SGCD: variants seen among roughly 807,000 people sequenced by gnomAD.
SGCD encodes the protein sarcoglycan delta, also known as delta-sarcoglycan.
SGCD carries 18 observed loss-of-function variants against 36.6 expected under a neutral mutation model. The observed-to-expected ratio is 0.49, with a 90% CI of 0.34 to 0.73. The LOEUF (loss-of-function observed/expected upper bound fraction) is 0.73. Ranked by LOEUF, SGCD falls within the 30% of genes least tolerant of loss-of-function variation. SGCD has a pLI of 0.01. For missense variants in SGCD, 387 were observed against 346.7 expected (o/e 1.12, Z -0.92); for synonymous variants, 133 against 130.6 (o/e 1.02, Z -0.12).
intron 1 of SGCD, among the ~76,000 whole-genome samples, chr5:155,948,672 A>G (rs1025720624): frequency 2.6e-5 from 4 of 152,190 alleles, no homozygotes; most frequent in African/African-American, 4.8e-5. Context: ...ATGATCTTAA[A>G]TGGGGTTAGA....
At chr5:155,876,820 A>G (rs1487640333) in intron 1 of SGCD, among the ~76,000 whole-genome samples, 2 of 152,126 alleles carry the variant, frequency 1.3e-5, no homozygotes, top group African/African-American at 4.8e-5. Context: ...TTCTGCCTTT[A>G]TTTTATGACC....
In SGCD at chr5:156,211,988, G is replaced by A. The variant is rs60029416; in HGVS notation, c.-44+87969G>A. Among the ~76,000 whole-genome samples the A allele has an allele frequency of 7.5e-3, 1,146 of 152,114 alleles. 15 individuals are homozygous for A. The highest frequency in any genetic ancestry group is 0.025 in the African/African-American group (1,048 of 41,496). On this transcript the variant is annotated intron_variant, in intron 3 of 9. Transcript: ENST00000517913. ...GTTTTATGTAAGCATCATTGGAACC[G>A]CAAAGCAAAAACGACAAGAGGTACA...
At chr5:156,561,678 C>T (rs958728745) in intron 4 of SGCD, among the ~76,000 whole-genome samples, 2 of 152,160 alleles carry the variant, frequency 1.3e-5, no homozygotes, top group South Asian at 4.1e-4. Context: ...GTGGGTTACT[C>T]AGGTCACTCC....
intron 3 of SGCD, among the ~76,000 whole-genome samples, chr5:156,389,533 G>A (rs1050534066): frequency 6.6e-6 from 1 of 152,182 alleles, no homozygotes; most frequent in African/African-American, 2.4e-5. Context: ...CGGTTTCATG[G>A]AAGACAGTTT....
rs886436904 is a variant in SGCD, at chr5:156,759,724, G to A, written c.*334G>A. On this transcript the variant is annotated 3_prime_UTR_variant, in exon 9 of 9. Transcript: ENST00000337851. ...CACACATCCGTCCCAACATTCCCCA[G>A]ACCATTCAGAATCACACAGCGTATT... 5 of 152,216 alleles carry A rather than the reference G, an allele frequency of 3.3e-5. No homozygotes were observed. Among genetic ancestry groups the A allele is most frequent in the Admixed American group, 3.3e-4 (5 of 15,274 alleles). The allele number at this position is 152,216 out of a possible 1,614,324, so 9.4% of individuals were successfully genotyped here.
In SGCD at chr5:156,756,113, G is replaced by A. The variant is rs532591033; in HGVS notation, c.576-1468G>A. ...TTTAACATGTTTAAGGTGTCTGAAA[G>A]TTAGAAGCACTGAAATTAAATTCAG... is the stretch of plus-strand genomic sequence containing the variant. On this transcript the variant is annotated intron_variant, in intron 7 of 8. Coordinates refer to ENST00000337851, the MANE Select transcript of SGCD (RefSeq NM_000337.6). Among the ~76,000 whole-genome samples, 4 of 152,322 alleles carry A rather than the reference G, an allele frequency of 2.6e-5. No homozygotes were observed. In the South Asian group the frequency reaches 8.3e-4, roughly 32 times the overall value.
At chr5:156,042,944 T>G (rs1355646539) in intron 1 of SGCD, among the ~76,000 whole-genome samples, 1 of 152,178 alleles carries the variant, frequency 6.6e-6, no homozygotes, top group Admixed American at 6.5e-5. Context: ...CCTAGTGGTC[T>G]TTCATTAGCT....
chr5:155,838,634 T>A, the SGCD span, among the ~76,000 whole-genome samples: 1 of 152,110 alleles, frequency 6.6e-6, no homozygotes, highest in Non-Finnish European at 1.5e-5. Context: ...TAAAATATAG[T>A]TTTCTTTTTA....
At chr5:156,461,678 G>T (rs75104256) in intron 3 of SGCD, among the ~76,000 whole-genome samples, 5,477 of 151,832 alleles carry the variant, frequency 0.036, 106 homozygotes, top group African/African-American at 0.062. Context: ...AGTTAATGTT[G>T]ATAATTTTAC....
intron 1 of SGCD, among the ~76,000 whole-genome samples, chr5:156,001,533 T>C (rs1201382518): frequency 6.6e-6 from 1 of 152,254 alleles, no homozygotes; most frequent in Non-Finnish European, 1.5e-5. Context: ...ATTGTCTCGA[T>C]TTTGAACTGT....
intron 3 of SGCD, among the ~76,000 whole-genome samples, chr5:156,386,226 G>A (rs1176727498): frequency 6.6e-6 from 1 of 152,190 alleles, no homozygotes; most frequent in African/African-American, 2.4e-5. Flanking sequence ...ATAGTGTGTA[G>A]GGTAGGGTGT....
At chr5:156,738,888 G>A (rs964482693) in intron 7 of SGCD, among the ~76,000 whole-genome samples, 1 of 152,140 alleles carries the variant, frequency 6.6e-6, no homozygotes, top group African/African-American at 2.4e-5. Flanking sequence ...CTTCTCCAAG[G>A]TGAAACATCC....
chr5:156,534,493 TTCTG>T (rs1758015595), intron 4 of SGCD, among the ~76,000 whole-genome samples: 1 of 152,184 alleles, frequency 6.6e-6, no homozygotes, highest in Admixed American at 6.6e-5. Context: ...GTGGTATGAG[TTCTG>T]TCTGTTTAAC....
Position 156,265,537 on chromosome 5 carries a change from T to A in SGCD, c.-43-63997T>A, listed in dbSNP as rs187101094. 3.3e-5 allele frequency among the ~76,000 whole-genome samples: 5 copies of A among 152,130 alleles called. 1 individual carries two copies. The highest frequency in any genetic ancestry group is 3.3e-4 in the Admixed American group (5 of 15,234). ...TGGCTGTTGGAACCAAATATATTTG[T>A]ATTTGAGCTCATAGCCTTAAGAAAA... On this transcript the variant is annotated intron_variant, in intron 3 of 9. Coordinates refer to the SGCD transcript ENST00000517913.
chr5:155,740,005 C>T, the SGCD span, among the ~76,000 whole-genome samples: 1 of 152,188 alleles, frequency 6.6e-6, no homozygotes, highest in African/African-American at 2.4e-5. Context: ...GTGATTTCCC[C>T]ATTATTAACC....
chr5:156,105,983 C>T (rs530349903), intron 1 of SGCD, among the ~76,000 whole-genome samples: 15 of 151,592 alleles, frequency 9.9e-5, no homozygotes, highest in Non-Finnish European at 2.1e-4. Context: ...TGGTGACAAG[C>T]GCCTGTAATC....
intron 1 of SGCD, among the ~76,000 whole-genome samples, chr5:155,941,500 T>G (rs1757325177): frequency 6.6e-6 from 1 of 151,162 alleles, no homozygotes; most frequent in Non-Finnish European, 1.5e-5. Flanking sequence ...ATTAATAATA[T>G]TGATATTAAA....
At chr5:155,908,031 A>G (rs1756557146) in intron 1 of SGCD, among the ~76,000 whole-genome samples, 1 of 152,166 alleles carries the variant, frequency 6.6e-6, no homozygotes, top group Non-Finnish European at 1.5e-5. Context: ...GTCACCAACC[A>G]TCGACATTGA....
chr5:156,477,744 T>G (rs1054900763), intron 3 of SGCD, among the ~76,000 whole-genome samples: 2 of 152,026 alleles, frequency 1.3e-5, no homozygotes, highest in African/African-American at 2.4e-5. Flanking sequence ...GAATTTTGTT[T>G]TAATGATTTG....
Sources: gnomAD v4.1 joint callset for allele counts (sites outside exome capture counted in the v4.1 genomes callset) on GRCh38, gnomAD v4.1.1 for gene constraint, MANE v1.5 for transcripts, NCBI Gene and HGNC (gene_info 2026-07-23, HGNC 2026-07-21) for gene names.